The following PTN variants were observed in gnomAD, a reference collection of about 807,000 sequenced individuals.
PTN encodes the protein pleiotrophin, also known as heparin affin regulatory protein.
PTN carries 18 observed loss-of-function variants against 24.1 expected under a neutral mutation model. The ratio of observed to expected loss-of-function variants is 0.75; its 90% CI spans 0.52 to 1.11. The LOEUF (loss-of-function observed/expected upper bound fraction) is 1.11. PTN is among the 50% of genes least tolerant of loss of function. The pLI is 0.00. For synonymous variants in PTN, 78 were observed against 68.6 expected (o/e 1.14, Z -0.67); for missense variants, 163 against 198.8 (o/e 0.82, Z 1.08).
chr7:137,271,380 C>T (rs528173172), intron 1 of PTN, among the ~76,000 whole-genome samples: 2 of 152,268 alleles, frequency 1.3e-5, no homozygotes, highest in East Asian at 3.9e-4. Context: ...AGTCTTATCA[C>T]CTCTGTTCCC....
intron 1 of PTN, among the ~76,000 whole-genome samples, chr7:137,295,764 C>A (rs375496164): frequency 6.6e-6 from 1 of 151,388 alleles, no homozygotes; most frequent in Non-Finnish European, 1.5e-5. Flanking sequence ...TTGTATTGGC[C>A]GGTACTTCAT....
intron 1 of PTN, among the ~76,000 whole-genome samples, chr7:137,300,636 A>T (rs1338268100): frequency 6.6e-6 from 1 of 151,890 alleles, no homozygotes; most frequent in Non-Finnish European, 1.5e-5. Context: ...AGCAGAGACA[A>T]AGAGGTGCTT....
intron 1 of PTN, among the ~76,000 whole-genome samples, chr7:137,267,585 T>C (rs1809178868): frequency 6.6e-6 from 1 of 152,152 alleles, no homozygotes; most frequent in African/African-American, 2.4e-5. Context: ...TTTCCTGGTA[T>C]CATAGTAACA....
chr7:137,279,419 T>G (rs546105655), intron 1 of PTN, among the ~76,000 whole-genome samples: 2 of 152,336 alleles, frequency 1.3e-5, no homozygotes, highest in South Asian at 4.1e-4. Context: ...TAAAATTTTC[T>G]TTTAAATTGG....
chr7:137,237,724 C>T (rs1050331905), intron 4 of PTN, among the ~76,000 whole-genome samples: 2 of 152,062 alleles, frequency 1.3e-5, no homozygotes, highest in Non-Finnish European at 2.9e-5. Flanking sequence ...GTGATTTCTT[C>T]TGCCCCAAAA....
Position 137,330,997 on chromosome 7 carries a change from G to C in PTN, c.-2+12442C>G, listed in dbSNP as rs545265763. 7.2e-5 allele frequency among the ~76,000 whole-genome samples: 11 copies of C among 152,272 alleles called. No homozygotes were observed. The East Asian group carries it at 1.4e-3, about 19-fold the overall frequency. Reference sequence around the variant, plus strand: ...TCTAATAGAATTTTATGTGAGGTCTGAAGTTCCTCTGTCCAGGAATGGGGC... The same window carrying C: ...TCTAATAGAATTTTATGTGAGGTCTCAAGTTCCTCTGTCCAGGAATGGGGC... On this transcript the variant is annotated intron_variant, in intron 1 of 4. Coordinates refer to ENST00000348225, the MANE Select transcript of PTN (RefSeq NM_002825.7).
At chr7:137,296,649 G>T (rs531395118) in intron 1 of PTN, among the ~76,000 whole-genome samples, 2 of 152,118 alleles carry the variant, frequency 1.3e-5, no homozygotes, top group South Asian at 2.1e-4. Flanking sequence ...GTGGTGGCAG[G>T]GGGTGGAGAG....
intron 1 of PTN, among the ~76,000 whole-genome samples, chr7:137,255,951 C>T (rs1808914988): frequency 6.6e-6 from 1 of 152,144 alleles, no homozygotes; most frequent in Admixed American, 6.5e-5. Flanking sequence ...TTGTAATGTC[C>T]TATGATCATA....
At chr7:137,236,531 CG>C (rs1423625876) in intron 4 of PTN, among the ~76,000 whole-genome samples, 2 of 152,184 alleles carry the variant, frequency 1.3e-5, no homozygotes, top group East Asian at 3.9e-4. Context: ...GATTTAATGC[CG>C]AGTTTCTTTT....
intron 1 of PTN, among the ~76,000 whole-genome samples, chr7:137,273,972 T>C (rs1206322464): frequency 6.6e-6 from 1 of 152,146 alleles, no homozygotes; most frequent in Non-Finnish European, 1.5e-5. Flanking sequence ...TATTTGTTTA[T>C]TACAAAAGTA....
chr7:137,270,565 G>A (rs924970307), intron 1 of PTN, among the ~76,000 whole-genome samples: 10 of 152,020 alleles, frequency 6.6e-5, no homozygotes, highest in Non-Finnish European at 1.0e-4. Flanking sequence ...ATGATATTTG[G>A]TTCATTACAA....
intron 1 of PTN, among the ~76,000 whole-genome samples, chr7:137,271,850 T>C (rs1809280500): frequency 6.6e-6 from 1 of 152,254 alleles, no homozygotes; most frequent in South Asian, 2.1e-4. Flanking sequence ...AACTTATTTT[T>C]CTTAGCAATC....
rs184101696 is a variant in PTN, at chr7:137,258,119, T to A, written c.-1-3145A>T. Among the ~76,000 whole-genome samples, 3 of 152,250 alleles carry A rather than the reference T, an allele frequency of 2.0e-5. No homozygotes were observed. The East Asian group carries it at 5.8e-4, about 29-fold the overall frequency. On this transcript the variant is annotated intron_variant, in intron 1 of 4. Coordinates refer to ENST00000348225, the MANE Select transcript of PTN (RefSeq NM_002825.7). ...TTCAAAAAGATTTCCTTAATCCAGT[T>A]CTATTCACTGATTTCAAGGAAAAAA...
chr7:137,285,618 C>T (rs1390014563), intron 1 of PTN, among the ~76,000 whole-genome samples: 3 of 152,034 alleles, frequency 2.0e-5, no homozygotes, highest in African/African-American at 4.8e-5. Context: ...TGCAGTGAAC[C>T]GAGACAGCAC....
At chr7:137,242,174 T>C (rs1808641782) in intron 4 of PTN, among the ~76,000 whole-genome samples, 1 of 152,234 alleles carries the variant, frequency 6.6e-6, no homozygotes, top group African/African-American at 2.4e-5. Context: ...AATAATCAGC[T>C]GCCAAAAGCT....
intron 1 of PTN, among the ~76,000 whole-genome samples, chr7:137,258,183 A>G (rs563820624): frequency 1.4e-4 from 22 of 152,326 alleles, no homozygotes; most frequent in African/African-American, 3.4e-4. Flanking sequence ...TAAAATTTTT[A>G]GTATAGAATA....
At chr7:137,266,935 C>T (rs1809161354) in intron 1 of PTN, among the ~76,000 whole-genome samples, 1 of 148,930 alleles carries the variant, frequency 6.7e-6, no homozygotes, top group African/African-American at 2.5e-5. Flanking sequence ...CACATCTGGG[C>T]CATCCGCAGG....
At chr7:137,324,433 A>AAAAAAAAAAAATATATAT in intron 1 of PTN, among the ~76,000 whole-genome samples, 7 of 88,756 alleles carry the variant, frequency 7.9e-5, no homozygotes, top group African/African-American at 4.1e-4. Flanking sequence ...AAAAAAAAAA[A>AAAAAAAAAAAATATATAT]ATATATATAT....
chr7:137,318,257 G>A (rs946751578), intron 1 of PTN, among the ~76,000 whole-genome samples: 1 of 152,188 alleles, frequency 6.6e-6, no homozygotes, highest in African/African-American at 2.4e-5. Flanking sequence ...AACAGTGTGA[G>A]ACTCGTCTTA....
Sources: allele counts gnomAD v4.1 joint callset (sites outside exome capture counted in the v4.1 genomes callset), GRCh38; gene constraint gnomAD v4.1.1; transcripts MANE v1.5; gene names NCBI Gene and HGNC (gene_info 2026-07-23, HGNC 2026-07-21).